The following ANTKMT variants were observed in gnomAD, a reference collection of about 807,000 sequenced individuals.
The protein encoded by ANTKMT is adenine nucleotide translocase lysine N-methyltransferase.
In ANTKMT, 24 loss-of-function variants were observed where a neutral mutation model predicts 20.7. That is an observed-to-expected ratio of 1.16 (90% CI 0.84 to 1.63). The LOEUF (loss-of-function observed/expected upper bound fraction) is 1.63, where lower values mean the gene tolerates loss of function less well. Among genes scored for constraint, ANTKMT ranks in the 40% most tolerant of loss-of-function variants. ANTKMT has a pLI of 0.00. For synonymous variants in ANTKMT, 193 were observed against 161.2 expected, an observed-to-expected ratio of 1.20 and a Z score of -1.49; for missense variants, 428 against 334.8, an observed-to-expected ratio of 1.28 and a Z score of -2.17.
rs2040288681 is a variant in ANTKMT at position 722,481 on chromosome 16, C to T, written c.632C>T (p.Ser211Leu). The T allele has an allele frequency of 3.1e-6, 5 of 1,612,352 alleles. No individual in the cohort carries two copies. The highest frequency in any genetic ancestry group is 4.2e-6 in the Non-Finnish European group (5 of 1,179,832). The change falls in exon 5 of 5, where the codon TCG becomes TTG. Residue 211 changes from serine (S) to leucine (L), a missense_variant. Transcript: ENST00000569529. Reference sequence around the variant, plus strand: ...GGGCAGGCTGGGGAGGCCGCCTCCTCGCGGATACCCATCCAGGCTGCCCCC... The same window carrying T: ...GGGCAGGCTGGGGAGGCCGCCTCCTTGCGGATACCCATCCAGGCTGCCCCC... ...EGGQAGEAAS[S>L]RIPIQAAPGP...
rs2151530166 is a variant in ANTKMT, at chr16:721,299, G to A, written c.25G>A (p.Ala9Thr). Residue 9 changes from alanine (A) to threonine (T), a missense_variant, in exon 1 of 5, where the codon GCG becomes ACG. Physicochemically the swap from Ala to Thr is moderately conservative, Grantham distance 58. Transcript: ENST00000569529. The part of the protein sequence containing the change: MEQDDPVE[A>T]LTELRERRLG... ...CATGGAGCAGGACGACCCGGTCGAG[G>A]CGCTGACGGAGCTGCGCGAGCGGCG... 2 of 1,342,504 alleles carry A rather than the reference G, an allele frequency of 1.5e-6. No individual in the cohort carries two copies. Among genetic ancestry groups the A allele is most frequent in the East Asian group, 3.2e-5 (1 of 31,018 alleles). 83.2% of individuals were successfully genotyped at this position (1,342,504 alleles called of 1,614,324 possible).
At position 721,834 on chromosome 16, in the gene ANTKMT, G is replaced by A. The variant is rs755078999; in HGVS notation, c.301G>A (p.Ala101Thr). ...GGCCCACAGGTGCGGCCTCCGCCCG[G>A]CCGTGGGCTACGAGCTGAACCCCTG... ...LAAHRCGLRPAVGYELNPWLV... is the reference protein window; with the variant it reads ...LAAHRCGLRPTVGYELNPWLV... Residue 101 changes from alanine to threonine, a missense_variant, in exon 3 of 5, where the codon GCC becomes ACC. Coordinates refer to ENST00000569529, the MANE Select transcript of ANTKMT (RefSeq NM_023933.3). The A allele has an allele frequency of 3.8e-6, 6 of 1,559,374 alleles. No homozygotes were observed. In the African/African-American group the frequency reaches 8.1e-5, roughly 21 times the overall value.
At position 721,401 on chromosome 16, in the gene ANTKMT, C is replaced by T. The variant is rs1162686962; in HGVS notation, c.127C>T (p.Gln43Ter). ...AAYAVWALLL[Q>*]PGFRRVPLRL... is the part of the protein sequence containing the mutation. ...CTACGCGGTGTGGGCGCTGCTGCTCCAGCCCGGCTTCCGGCGCGTGCCGCT... is the reference window on the plus strand; with the variant it reads ...CTACGCGGTGTGGGCGCTGCTGCTCTAGCCCGGCTTCCGGCGCGTGCCGCT... Residue 43 changes from glutamine to a stop codon, truncating the protein, a stop_gained, in exon 1 of 5, where the codon CAG becomes TAG. Coordinates refer to ENST00000569529, the MANE Select transcript of ANTKMT (RefSeq NM_023933.3). LOFTEE classifies it high-confidence loss of function. The T allele has an allele frequency of 1.8e-5, 23 of 1,297,846 alleles. No homozygotes were observed. Among genetic ancestry groups the T allele is most frequent in the African/African-American group, 3.1e-5 (2 of 64,222 alleles). The allele number at this position is 1,297,846 out of a possible 1,614,324, so 80.4% of individuals were successfully genotyped here.
rs2151530841 is a variant in ANTKMT, at chr16:721,714, C to T, written c.267+12C>T. 6.5e-7 allele frequency: 1 copy of T among 1,547,452 alleles called. No homozygotes were observed. Among genetic ancestry groups the T allele is most frequent in the Middle Eastern group, 1.7e-4 (1 of 5,798 alleles). On this transcript the variant is annotated intron_variant, in intron 2 of 4. Transcript: ENST00000569529. ...GCGACGGCAGGATCGTAAGTGCCTG[C>T]GTCTGGGTCTTCGCCGCCCCACACC... is the stretch of plus-strand genomic sequence containing the variant.
chr16:721,184 A>AG lies in ANTKMT; in HGVS notation c.-88dup. The AG allele has an allele frequency of 2.6e-6, 3 of 1,170,358 alleles. No individual in the cohort carries two copies. The highest frequency in any genetic ancestry group is 1.6e-5 in the African/African-American group (1 of 62,394). The allele number at this position is 1,170,358 out of a possible 1,614,324, so 72.5% of individuals were successfully genotyped here. ...CGCGGCGGCTCCCGGCAGGAGGCAG[A>AG]GGGCACACCGCCAGCCCCAGGCCAG... On this transcript the variant is annotated 5_prime_UTR_variant, in exon 1 of 5. Coordinates refer to ENST00000569529, the MANE Select transcript of ANTKMT (RefSeq NM_023933.3).
chr16:721,354 C>T lies in ANTKMT; in HGVS notation c.80C>T (p.Ala27Val), dbSNP rs1471063729. ...GGCGCGCTGGAGCTGCTGCAGGCGG[C>T]GGCCGGCTCGGGCTTGGCAGCCTAC... is the stretch of plus-strand genomic sequence containing the variant. The part of the protein sequence containing the change: ...RLGALELLQA[A>V]AGSGLAAYAV... The change falls in exon 1 of 5, where the codon GCG becomes GTG. Residue 27 changes from alanine (A) to valine (V), a missense_variant. By Grantham distance (64) the Ala-to-Val change is moderately conservative. Coordinates refer to ENST00000569529, the MANE Select transcript of ANTKMT (RefSeq NM_023933.3). The T allele has an allele frequency of 3.0e-6, 4 of 1,336,656 alleles. No individual in the cohort carries two copies. Among genetic ancestry groups the T allele is most frequent in the African/African-American group, 1.5e-5 (1 of 65,250 alleles). 82.8% of individuals were successfully genotyped at this position (1,336,656 alleles called of 1,614,324 possible).
In ANTKMT at chr16:722,414, G is replaced by A. The variant is rs781424027; in HGVS notation, c.565G>A (p.Glu189Lys). The A allele has an allele frequency of 1.9e-6, 3 of 1,605,858 alleles. No homozygotes were observed. The highest frequency in any genetic ancestry group is 2.2e-5 in the South Asian group (2 of 90,064). Reference sequence around the variant, plus strand: ...CTGGCAGCCTGTGACCGCGGTTGGCGAGGGCCTGGACCGAGTATGGGCTTA... The same window carrying A: ...CTGGCAGCCTGTGACCGCGGTTGGCAAGGGCCTGGACCGAGTATGGGCTTA... ...PTWQPVTAVG[E>K]GLDRVWAYDV... The change falls in exon 5 of 5, where the codon GAG becomes AAG. Residue 189 changes from glutamate to lysine, a missense_variant. Physicochemically the swap from Glu to Lys is moderately conservative, Grantham distance 56 (BLOSUM62 1). Transcript: ENST00000569529.
chr16:722,535 G>T lies in ANTKMT; in HGVS notation c.686G>T (p.Gly229Val), dbSNP rs752560338. 2.1e-5 allele frequency: 34 copies of T among 1,604,302 alleles called. No homozygotes were observed. Among genetic ancestry groups the T allele is most frequent in the Non-Finnish European group, 2.7e-5 (32 of 1,176,764 alleles). The stretch of plus-strand genomic sequence containing the variant: ...CCTAGTTCTGCCCCCATCCCGGGGG[G>T]CCTTATTTCTCAGGCCAGCTGAGTA... ...PGPSSAPIPG[G>V]LISQAS The change falls in exon 5 of 5, where the codon GGC (glycine) becomes GTC (valine). Residue 229 changes from glycine to valine, a missense_variant. By Grantham distance (109) the Gly-to-Val change is moderately radical. Coordinates refer to ENST00000569529, the MANE Select transcript of ANTKMT (RefSeq NM_023933.3).
In ANTKMT at chr16:721,955, C is replaced by G. The variant is rs1195167868; in HGVS notation, c.408+14C>G. ...GATCTCTGGAAGGTAACCTGGGGAT[C>G]CCTGGCCACCCGCTGACAGCCCAAG... On this transcript the variant is annotated intron_variant, in intron 3 of 4. Coordinates refer to ENST00000569529, the MANE Select transcript of ANTKMT (RefSeq NM_023933.3). The G allele has an allele frequency of 6.4e-7, 1 of 1,563,382 alleles. No individual in the cohort carries two copies. Among genetic ancestry groups the G allele is most frequent in the East Asian group, 2.3e-5 (1 of 43,682 alleles).
rs145867712 is a variant in ANTKMT, at chr16:721,425, C to T, written c.151C>T (p.Leu51=). 7.8e-3 allele frequency: 10,180 copies of T among 1,298,732 alleles called. 664 individuals carry two copies. The African/African-American group carries it at 0.14, about 18-fold the overall frequency. The allele number at this position is 1,298,732 out of a possible 1,614,324, so 80.5% of individuals were successfully genotyped here. A position where few individuals can be genotyped will look rare whatever the true frequency, so the allele number is the denominator to read the frequency against. The change falls in exon 1 of 5, where the codon CTG becomes TTG. Residue 51 remains leucine (L), a synonymous_variant. Transcript: ENST00000569529. ...LLQPGFRRVP[L]RLQVPYVGAS... is the part of the protein sequence containing the mutation. ...CCAGCCCGGCTTCCGGCGCGTGCCG[C>T]TGCGGCTGCAGGTGCGGGGCGGGGC... is the stretch of plus-strand genomic sequence containing the variant.
In ANTKMT at chr16:722,511, C is replaced by T; in HGVS notation, c.662C>T (p.Pro221Leu). The change falls in exon 5 of 5, where the codon CCT (proline) becomes CTT (leucine). Residue 221 changes from proline (P) to leucine (L), a missense_variant. Pro to Leu is a moderately conservative substitution (Grantham distance 98). Coordinates refer to ENST00000569529, the MANE Select transcript of ANTKMT (RefSeq NM_023933.3). ...SRIPIQAAPG[P>L]SSAPIPGGLI... ...ATACCCATCCAGGCTGCCCCCGGAC[C>T]TAGTTCTGCCCCCATCCCGGGGGGC... The T allele has an allele frequency of 6.2e-7, 1 of 1,611,898 alleles. No individual in the cohort carries two copies.
chr16:721,867 G>T lies in ANTKMT; in HGVS notation c.334G>T (p.Ala112Ser). 1 of 1,566,544 alleles carries T rather than the reference G, an allele frequency of 6.4e-7. No homozygotes were observed. The highest frequency in any genetic ancestry group is 8.6e-7 in the Non-Finnish European group (1 of 1,163,282). ...VGYELNPWLV[A>S]LARLHAWRAG... The stretch of plus-strand genomic sequence containing the variant: ...CTACGAGCTGAACCCCTGGCTGGTG[G>T]CGCTGGCGCGGCTGCACGCCTGGAG... Residue 112 changes from alanine (A) to serine (S), a missense_variant, in exon 3 of 5, where the codon GCG becomes TCG. Transcript: ENST00000569529.
rs1049635557 is a variant in ANTKMT, at chr16:721,232, G to C, written c.-43G>C. On this transcript the variant is annotated 5_prime_UTR_variant, in exon 1 of 5. Transcript: ENST00000569529. ...CAGGCTGCGAGGGCCGCGGACCCGA[G>C]CCGGGAAGGACCTTGGGCGGACGAG... 1 of 1,227,702 alleles carries C rather than the reference G, an allele frequency of 8.1e-7. No individual in the cohort carries two copies. Among genetic ancestry groups the C allele is most frequent in the Non-Finnish European group, 1.0e-6 (1 of 983,360 alleles). 76.1% of individuals were successfully genotyped at this position (1,227,702 alleles called of 1,614,324 possible). A position where few individuals can be genotyped will look rare whatever the true frequency, so the allele number is the denominator to read the frequency against.
In ANTKMT at chr16:721,645, G is replaced by T. The variant is rs752467193; in HGVS notation, c.210G>T (p.Ser70=). The T allele has an allele frequency of 1.9e-5, 29 of 1,549,206 alleles. No individual in the cohort carries two copies. Among genetic ancestry groups the T allele is most frequent in the South Asian group, 1.7e-4 (14 of 84,006 alleles). ...ASARQVEHVL[S]LLRGRPGKTV... ...CGCGGCAGGTGGAGCACGTGTTGTC[G>T]CTGCTGCGAGGACGCCCCGGAAAAA... The change falls in exon 2 of 5, where the codon TCG becomes TCT. Residue 70 remains serine (S), a synonymous_variant. Coordinates refer to ENST00000569529, the MANE Select transcript of ANTKMT (RefSeq NM_023933.3).
rs911067074 is a variant in ANTKMT, at chr16:721,623, G to C, written c.188G>C (p.Arg63Pro). The C allele has an allele frequency of 7.1e-6, 11 of 1,545,542 alleles. No individual in the cohort carries two copies. Among genetic ancestry groups the C allele is most frequent in the Admixed American group, 2.0e-5 (1 of 51,022 alleles). Residue 63 changes from arginine (R) to proline (P), a missense_variant, in exon 2 of 5, where the codon CGG becomes CCG. Transcript: ENST00000569529. ...LQVPYVGASA[R>P]QVEHVLSLLR... ...GTGCCCTACGTCGGCGCGAGCGCGC[G>C]GCAGGTGGAGCACGTGTTGTCGCTG...
In ANTKMT at chr16:721,689, G is replaced by A. The variant is rs1227423982; in HGVS notation, c.254G>A (p.Gly85Asp). The A allele has an allele frequency of 6.5e-7, 1 of 1,550,072 alleles. No individual in the cohort carries two copies. Among genetic ancestry groups the A allele is most frequent in the Admixed American group, 1.9e-5 (1 of 51,290 alleles). Residue 85 changes from glycine (G) to aspartate (D), a missense_variant, in exon 2 of 5, where the codon GGC becomes GAC. Transcript: ENST00000569529. Reference sequence around the variant, plus strand: ...GGAAAAACGGTGGATCTGGGCTCTGGCGACGGCAGGATCGTAAGTGCCTGC... The same window carrying A: ...GGAAAAACGGTGGATCTGGGCTCTGACGACGGCAGGATCGTAAGTGCCTGC... ...RPGKTVDLGS[G>D]DGRIVLAAHR...
chr16:721,291 C>A lies in ANTKMT; in HGVS notation c.17C>A (p.Pro6Gln), dbSNP rs1341615706. 2.2e-6 allele frequency: 3 copies of A among 1,333,734 alleles called. No individual in the cohort carries two copies. Among genetic ancestry groups the A allele is most frequent in the South Asian group, 3.6e-5 (2 of 55,068 alleles). 82.6% of individuals were successfully genotyped at this position (1,333,734 alleles called of 1,614,324 possible). A position where few individuals can be genotyped will look rare whatever the true frequency, so the allele number is the denominator to read the frequency against. Residue 6 changes from proline to glutamine, a missense_variant, in exon 1 of 5, where the codon CCG becomes CAG. Transcript: ENST00000569529. MEQDD[P>Q]VEALTELRER... ...CCCGCAGCCATGGAGCAGGACGACC[C>A]GGTCGAGGCGCTGACGGAGCTGCGC...
intron 1 of ANTKMT, 25 bp downstream of exon 1, chr16:721,461 A>G (rs1188372004): frequency 7.3e-7 from 1 of 1,361,684 alleles, no homozygotes; most frequent in Admixed American, 4.0e-5. Flanking sequence ...CAGGCCGGGC[A>G]GGGGAGCTCG....
Position 721,400 on chromosome 16 carries a change from C to G in ANTKMT, c.126C>G (p.Leu42=). The G allele has an allele frequency of 7.7e-7, 1 of 1,298,134 alleles. No individual in the cohort carries two copies. The highest frequency in any genetic ancestry group is 9.7e-7 in the Non-Finnish European group (1 of 1,029,542). The allele number at this position is 1,298,134 out of a possible 1,614,324, so 80.4% of individuals were successfully genotyped here. A position where few individuals can be genotyped will look rare whatever the true frequency, so the allele number is the denominator to read the frequency against. The change falls in exon 1 of 5, where the codon CTC becomes CTG. Residue 42 remains leucine (L), a synonymous_variant. Coordinates refer to ENST00000569529, the MANE Select transcript of ANTKMT (RefSeq NM_023933.3). ...LAAYAVWALL[L]QPGFRRVPLR... is the part of the protein sequence containing the mutation. ...CCTACGCGGTGTGGGCGCTGCTGCTCCAGCCCGGCTTCCGGCGCGTGCCGC... is the reference window on the plus strand; with the variant it reads ...CCTACGCGGTGTGGGCGCTGCTGCTGCAGCCCGGCTTCCGGCGCGTGCCGC...
Sources: allele counts gnomAD v4.1 joint callset, GRCh38; gene constraint gnomAD v4.1.1; transcripts MANE v1.5; gene names NCBI Gene and HGNC (gene_info 2026-07-23, HGNC 2026-07-21).